The following LCA5 variants were observed in gnomAD, a reference collection of about 807,000 sequenced individuals.
LCA5 encodes lebercilin.
LCA5 carries 37 observed loss-of-function variants against 53.0 expected under a neutral mutation model. The ratio of observed to expected loss-of-function variants is 0.70; its 90% confidence interval spans 0.54 to 0.92. The LOEUF is 0.92. Among genes scored for constraint, LCA5 ranks in the 40% least tolerant of loss-of-function variants. The probability of loss-of-function intolerance (pLI) is 0.00; values close to 1 mark genes in which losing one functional copy is unlikely to be tolerated. For synonymous variants in LCA5, 303 were observed against 282.9 expected (o/e 1.07, Z -0.71); for missense variants, 806 against 790.5 (o/e 1.02, Z -0.23).
chr6:79,519,719 A>C (rs1766565837), intron 1 of LCA5, among the ~76,000 whole-genome samples: 1 of 150,816 alleles, frequency 6.6e-6, no homozygotes, highest in South Asian at 2.1e-4. Flanking sequence ...CCATCTCAAA[A>C]AAAAAAAAAA....
At chr6:79,488,903 C>T in intron 7 of LCA5, 181 bp downstream of exon 7, 1 of 674,296 alleles carries the variant, frequency 1.5e-6, no homozygotes. Context: ...TTTTTTCTTT[C>T]CTTAATAACA....
At chr6:79,538,041 T>G (rs1274920667), upstream of LCA5, among the ~76,000 whole-genome samples, 5 of 140,864 alleles carry the variant, frequency 3.5e-5, no homozygotes, top group African/African-American at 1.1e-4. Flanking sequence ...TTTTTTTTTT[T>G]TTTTTTTTTT....
Position 79,518,725 on chromosome 6 carries a change from T to G in LCA5, c.170A>C (p.Asp57Ala). The change falls in exon 2 of 8, where the codon GAT (aspartate) becomes GCT (alanine). Residue 57 changes from aspartate to alanine, a missense_variant. Coordinates refer to ENST00000369846, the MANE Select transcript of LCA5 (RefSeq NM_001122769.3). The stretch of plus-strand genomic sequence containing the variant: ...CTTACCTTGGTGATGTACTTGGCCA[T>G]CTGAAGTTTGTCTTTTAGGATTTTT... The part of the protein sequence containing the change: ...RRKNPKRQTS[D>A]GQVHHQAPRK... 6.2e-7 allele frequency: 1 copy of G among 1,614,148 alleles called. No homozygotes were observed.
chr6:79,487,069 C>A lies in LCA5; in HGVS notation c.2029G>T (p.Asp677Tyr), dbSNP rs367583144. 5.6e-6 allele frequency: 9 copies of A among 1,613,638 alleles called. No homozygotes were observed. The highest frequency in any genetic ancestry group is 7.6e-6 in the Non-Finnish European group (9 of 1,179,818). Residue 677 changes from aspartate (D) to tyrosine (Y), a missense_variant, in exon 8 of 8, where the codon GAT becomes TAT. Physicochemically the swap from Asp to Tyr is radical, Grantham distance 160 (BLOSUM62 -3). Transcript: ENST00000369846. ...PNRHRLKHAD[D>Y]KPAVKAADSV... is the part of the protein sequence containing the mutation. ...TCAGCTGCTTTTACTGCTGGTTTATCGTCTGCATGTTTTAATCGGTGCCTA... is the reference window on the plus strand; with the variant it reads ...TCAGCTGCTTTTACTGCTGGTTTATAGTCTGCATGTTTTAATCGGTGCCTA...
rs748907928 is a variant in LCA5, at chr6:79,492,618, AT to A, written c.887del (p.Asn296IlefsTer20). The A allele has an allele frequency of 4.5e-6, 7 of 1,556,122 alleles. No individual in the cohort carries two copies. Among genetic ancestry groups the A allele is most frequent in the Non-Finnish European group, 1.8e-6 (2 of 1,134,408 alleles). On this transcript the variant is annotated frameshift_variant, in exon 5 of 8. Coordinates refer to ENST00000369846, the MANE Select transcript of LCA5 (RefSeq NM_001122769.3). LOFTEE classifies it high-confidence loss of function. ...ACTTTGGCAGACGATTAGAATATAT[AT>A]TTTTTATATCCAGTTCTCTCTCCTT... Reference protein sequence around the residue: ...KEKERELDIKNIYSNRLPKSS... With the variant: ...KEKERELDIKXIYSNRLPKSS...
At chr6:79,508,027 T>C (rs529085312) in intron 3 of LCA5, among the ~76,000 whole-genome samples, 24 of 152,286 alleles carry the variant, frequency 1.6e-4, no homozygotes, top group Middle Eastern at 3.4e-3. Flanking sequence ...GGCTGATACA[T>C]TGACAGGACT....
chr6:79,492,780 A>G (rs1223230609), intron 4 of LCA5, 133 bp from the exon 5 acceptor site: 1 of 610,346 alleles, frequency 1.6e-6, no homozygotes, highest in Non-Finnish European at 3.0e-6. Flanking sequence ...GTAACTACCA[A>G]ACTATAGAAA....
Position 79,513,246 on chromosome 6 carries a change from T to C in LCA5, c.686A>G (p.Glu229Gly). Residue 229 changes from glutamate to glycine, a missense_variant, in exon 3 of 8, where the codon GAG (glutamate) becomes GGG (glycine). Transcript: ENST00000369846. ...TCTCTCGGTGTCATCTAACTTTAACTCTGCTGAAACTAGTTTCTTTGCCAA... is the reference window on the plus strand; with the variant it reads ...TCTCTCGGTGTCATCTAACTTTAACCCTGCTGAAACTAGTTTCTTTGCCAA... ...DDLAKKLVSA[E>G]LKLDDTERRI... 6.2e-7 allele frequency: 1 copy of C among 1,613,542 alleles called. No individual in the cohort carries two copies. Among genetic ancestry groups the C allele is most frequent in the Middle Eastern group, 1.7e-4 (1 of 6,054 alleles).
intron 3 of LCA5, among the ~76,000 whole-genome samples, chr6:79,496,316 T>C (rs747604867): frequency 6.6e-6 from 1 of 152,150 alleles, no homozygotes; most frequent in Non-Finnish European, 1.5e-5. Flanking sequence ...CATTCCACAC[T>C]TAGGTCTTTA....
At chr6:79,531,141 G>A (rs926758149) in intron 1 of LCA5, among the ~76,000 whole-genome samples, 1 of 152,068 alleles carries the variant, frequency 6.6e-6, no homozygotes, top group Admixed American at 6.6e-5. Context: ...CTGACTCTTC[G>A]TTGAGTGACC....
chr6:79,490,068 G>A (rs562071202), intron 6 of LCA5, among the ~76,000 whole-genome samples: 18 of 152,082 alleles, frequency 1.2e-4, no homozygotes, highest in African/African-American at 4.3e-4. Context: ...AACAAGACAG[G>A]GGGTGACTAC....
intron 1 of LCA5, among the ~76,000 whole-genome samples, chr6:79,524,739 T>C (rs1383055481): frequency 6.6e-6 from 1 of 152,186 alleles, no homozygotes; most frequent in South Asian, 2.1e-4. Flanking sequence ...TAGGTGCTTT[T>C]AGGGCTTTCC....
At chr6:79,499,876 G>C (rs1452457976) in intron 3 of LCA5, among the ~76,000 whole-genome samples, 1 of 149,750 alleles carries the variant, frequency 6.7e-6, no homozygotes, top group Non-Finnish European at 1.5e-5. Flanking sequence ...TCCCCAGAGT[G>C]TGATGTTCCC....
rs1010515741 is a variant in LCA5, at chr6:79,537,385, C to G, written c.-412G>C. The G allele has an allele frequency of 1.3e-5, 2 of 152,682 alleles. No homozygotes were observed. Among genetic ancestry groups the G allele is most frequent in the African/African-American group, 4.8e-5 (2 of 41,466 alleles). The allele number at this position is 152,682 out of a possible 1,614,324, so 9.5% of individuals were successfully genotyped here. On this transcript the variant is annotated 5_prime_UTR_variant, in exon 1 of 8. Coordinates refer to ENST00000369846, the MANE Select transcript of LCA5 (RefSeq NM_001122769.3). The stretch of plus-strand genomic sequence containing the variant: ...GAGGATCGGGGCTCCTGGGTGGCAG[C>G]GGCGGTAACCTGGGCTCCAGGGTAA...
intron 3 of LCA5, among the ~76,000 whole-genome samples, chr6:79,511,635 TTGA>T (rs1474646375): frequency 1.3e-5 from 2 of 152,188 alleles, no homozygotes; most frequent in East Asian, 3.8e-4. Context: ...CTGAGTGCAG[TTGA>T]TGAACTCTAT....
At position 79,487,661 on chromosome 6, in the gene LCA5, T is replaced by C. The variant is rs2127665942; in HGVS notation, c.1437A>G (p.Gln479=). ...CAGGGTATTTTAGATTTCGAGAATCTTGGAGTTCTCTGTCAATTTCATTCA... is the reference window on the plus strand; with the variant it reads ...CAGGGTATTTTAGATTTCGAGAATCCTGGAGTTCTCTGTCAATTTCATTCA... The part of the protein sequence containing the change: ...AKLNEIDREL[Q]DSRNLKYPVL... Residue 479 remains glutamine, a synonymous_variant, in exon 8 of 8, where the codon CAA becomes CAG. Transcript: ENST00000369846. The C allele has an allele frequency of 6.2e-7, 1 of 1,614,002 alleles. No homozygotes were observed. The highest frequency in any genetic ancestry group is 8.5e-7 in the Non-Finnish European group (1 of 1,179,884).
intron 6 of LCA5, among the ~76,000 whole-genome samples, chr6:79,490,772 G>C (rs1769815825): frequency 6.6e-6 from 1 of 152,008 alleles, no homozygotes; most frequent in Non-Finnish European, 1.5e-5. Flanking sequence ...AGGGTCACTG[G>C]GAAACTTATA....
At chr6:79,491,838 G>T in intron 5 of LCA5, 108 bp from the exon 6 acceptor site, 1 of 899,458 alleles carries the variant, frequency 1.1e-6, no homozygotes, top group Non-Finnish European at 1.8e-6. Context: ...GCATATACAT[G>T]TACATTTATA....
chr6:79,492,632 G>A lies in LCA5; in HGVS notation c.874C>T (p.Leu292=). The A allele has an allele frequency of 6.5e-7, 1 of 1,535,000 alleles. No individual in the cohort carries two copies. The highest frequency in any genetic ancestry group is 8.9e-7 in the Non-Finnish European group (1 of 1,117,552). Residue 292 remains leucine (L), a synonymous_variant, in exon 5 of 8, where the codon CTG becomes TTG. Transcript: ENST00000369846. ...YHKLKEKERE[L]DIKNIYSNRL... ...TTAGAATATATATTTTTTATATCCA[G>A]TTCTCTCTCCTTTTCCTGAAAACAA...
Sources: gnomAD v4.1 joint callset for allele counts (sites outside exome capture counted in the v4.1 genomes callset) on GRCh38, gnomAD v4.1.1 for gene constraint, MANE v1.5 for transcripts, NCBI Gene and HGNC (gene_info 2026-07-23, HGNC 2026-07-21) for gene names.